The following ANKS6 variants were observed in gnomAD, a reference collection of about 807,000 sequenced individuals.
ANKS6 encodes ankyrin repeat and SAM domain-containing protein 6.
In ANKS6, 47 loss-of-function variants were observed where a neutral mutation model predicts 77.9. That is an observed-to-expected ratio of 0.60 (90% CI 0.48 to 0.77). ANKS6 has a LOEUF of 0.77. ANKS6 is among the 30% of genes least tolerant of loss of function. The pLI, the probability that ANKS6 is intolerant of heterozygous loss-of-function variation, is 0.00. For synonymous variants in ANKS6, 488 were observed against 501.7 expected (o/e 0.97, Z 0.37); for missense variants, 1,150 against 1,159.1 (o/e 0.99, Z 0.11).
chr9:98,773,763 A>T (rs1833763335), intron 9 of ANKS6, 114 bp downstream of exon 9: 1 of 958,554 alleles, frequency 1.0e-6, no homozygotes, highest in Admixed American at 3.4e-5. Context: ...TTCAAAAGAA[A>T]AAAAAAGTTG....
At chr9:98,765,381 G>C (rs1360350845) in intron 11 of ANKS6, among the ~76,000 whole-genome samples, 1 of 152,184 alleles carries the variant, frequency 6.6e-6, no homozygotes, top group Admixed American at 6.5e-5. Flanking sequence ...CCCTCCCTCT[G>C]TATGTAGTTC....
chr9:98,789,370 C>G (rs1834760087), intron 2 of ANKS6, among the ~76,000 whole-genome samples: 1 of 142,120 alleles, frequency 7.0e-6, no homozygotes, highest in South Asian at 2.2e-4. Context: ...TGTCCTATGG[C>G]AGATTTGCTA....
rs1472178142 is a variant in ANKS6, at chr9:98,782,538, C to T, written c.1148G>A (p.Gly383Glu). 3 of 1,614,098 alleles carry T rather than the reference C, an allele frequency of 1.9e-6. No individual in the cohort carries two copies. The highest frequency in any genetic ancestry group is 2.5e-6 in the Non-Finnish European group (3 of 1,180,004). Residue 383 changes from glycine to glutamate, a missense_variant, in exon 5 of 15, where the codon GGG becomes GAG. Gly to Glu is a moderately conservative substitution (Grantham distance 98). Transcript: ENST00000353234. Reference protein sequence around the residue: ...KEIVKYLLNQGADVTLRAKNG... With the variant: ...KEIVKYLLNQEADVTLRAKNG... ...TTTTGCACGAAGAGTGACATCGGCC[C>T]CTTGGTTTAGCAGATATTTCACAAT...
At chr9:98,766,177 G>A (rs1013520801) in intron 11 of ANKS6, among the ~76,000 whole-genome samples, 2 of 152,178 alleles carry the variant, frequency 1.3e-5, no homozygotes, top group African/African-American at 4.8e-5. Context: ...GAAATGGATG[G>A]TTTCCCCAGT....
chr9:98,790,978 A>G (rs1834875564), intron 1 of ANKS6, among the ~76,000 whole-genome samples: 1 of 152,232 alleles, frequency 6.6e-6, no homozygotes, highest in Non-Finnish European at 1.5e-5. Flanking sequence ...CACAGGAAAC[A>G]TCACATCAAT....
At chr9:98,774,712 T>C (rs1443871897) in intron 8 of ANKS6, among the ~76,000 whole-genome samples, 1 of 152,232 alleles carries the variant, frequency 6.6e-6, no homozygotes, top group Admixed American at 6.5e-5. Flanking sequence ...TTAATTGTAA[T>C]TTAATTTTTA....
intron 2 of ANKS6, among the ~76,000 whole-genome samples, chr9:98,788,448 G>A (rs1333983098): frequency 6.6e-6 from 1 of 152,182 alleles, no homozygotes; most frequent in East Asian, 1.9e-4. Flanking sequence ...CCTGGGAAGG[G>A]CAGATCCTTT....
chr9:98,789,463 TG>T (rs1189348327), intron 2 of ANKS6, among the ~76,000 whole-genome samples: 4 of 148,888 alleles, frequency 2.7e-5, no homozygotes, highest in African/African-American at 9.9e-5. Context: ...CACTGCTAGA[TG>T]TTTTTTAAAA....
Position 98,766,818 on chromosome 9 carries a change from C to T in ANKS6, c.2142+1263G>A, listed in dbSNP as rs150919399. Among the ~76,000 whole-genome samples the T allele has an allele frequency of 5.3e-5, 8 of 152,274 alleles. No individual in the cohort carries two copies. In the South Asian group the frequency reaches 6.2e-4, roughly 12 times the overall value. ...TCCTGGGAGCATAAATCTCTGGAGG[C>T]GCTTCTTTGGTGGGCAAAGGTCCAT... On this transcript the variant is annotated intron_variant, in intron 11 of 14. Transcript: ENST00000353234.
chr9:98,780,486 C>T (rs760992537), intron 5 of ANKS6, 149 bp from the exon 6 acceptor site: 1 of 982,714 alleles, frequency 1.0e-6, no homozygotes, highest in East Asian at 2.7e-5. Flanking sequence ...GCCTCTCCAT[C>T]TGATCTTCAA....
chr9:98,781,004 C>T (rs969805122), intron 5 of ANKS6, among the ~76,000 whole-genome samples: 18 of 151,572 alleles, frequency 1.2e-4, no homozygotes, highest in African/African-American at 3.2e-4. Flanking sequence ...TAGGTTCAAG[C>T]GGTTCTTTGC....
chr9:98,780,975 C>T (rs1834217982), intron 5 of ANKS6, among the ~76,000 whole-genome samples: 1 of 150,548 alleles, frequency 6.6e-6, no homozygotes, highest in South Asian at 2.1e-4. Flanking sequence ...AATCTTGGCT[C>T]ACCGCAACCT....
intron 2 of ANKS6, among the ~76,000 whole-genome samples, chr9:98,788,291 C>T (rs1449853140): frequency 3.3e-5 from 5 of 152,202 alleles, no homozygotes; most frequent in African/African-American, 9.7e-5. Flanking sequence ...AGGCACAGCT[C>T]GGCAGGCACG....
At chr9:98,781,193 G>A (rs1299496319) in intron 5 of ANKS6, among the ~76,000 whole-genome samples, 1 of 152,120 alleles carries the variant, frequency 6.6e-6, no homozygotes, top group African/African-American at 2.4e-5. Context: ...AGCCATCCAC[G>A]CCAGGTTATT....
intron 13 of ANKS6, among the ~76,000 whole-genome samples, chr9:98,750,137 G>A (rs996900658): frequency 3.3e-5 from 5 of 152,072 alleles, no homozygotes; most frequent in African/African-American, 9.7e-5. Context: ...AAAAGAAACC[G>A]TGTATCCATT....
intron 2 of ANKS6, among the ~76,000 whole-genome samples, 164 bp from the exon 3 acceptor site, chr9:98,785,040 G>T (rs1019251633): frequency 8.5e-5 from 13 of 152,146 alleles, no homozygotes; most frequent in African/African-American, 2.9e-4. Flanking sequence ...CTTCTGGAAG[G>T]TTTATTACCC....
In ANKS6 at chr9:98,751,095, A is replaced by G; in HGVS notation, c.2328T>C (p.Asp776=). The G allele has an allele frequency of 6.2e-7, 1 of 1,602,662 alleles. No homozygotes were observed. Among genetic ancestry groups the G allele is most frequent in the Non-Finnish European group, 8.5e-7 (1 of 1,176,314 alleles). Residue 776 remains aspartate (D), a splice_region_variant and synonymous_variant, in exon 13 of 15, where the codon GAT becomes GAC. Coordinates refer to ENST00000353234, the MANE Select transcript of ANKS6 (RefSeq NM_173551.5). The part of the protein sequence containing the change: ...GSSSGTITDE[D]ELTGILKKLS... ...ATTTCTTAAGGATTCCAGTCAGTTC[A>G]TCTTCAAGATGGAAAGGTGAAAAAA...
chr9:98,743,665 T>C (rs2131929743), intron 14 of ANKS6, among the ~76,000 whole-genome samples: 1 of 152,288 alleles, frequency 6.6e-6, no homozygotes, highest in South Asian at 2.1e-4. Flanking sequence ...AGACCCTGGG[T>C]GAATTCCTCA....
chr9:98,739,506 C>T (rs909369204), intron 14 of ANKS6, among the ~76,000 whole-genome samples: 1 of 152,068 alleles, frequency 6.6e-6, no homozygotes, highest in African/African-American at 2.4e-5. Context: ...TACTTAATCT[C>T]CCTGGGCCTT....
Sources: allele counts gnomAD v4.1 joint callset (sites outside exome capture counted in the v4.1 genomes callset), GRCh38; gene constraint gnomAD v4.1.1; transcripts MANE v1.5; gene names NCBI Gene and HGNC (gene_info 2026-07-23, HGNC 2026-07-21).